LIN52: variants seen among roughly 807,000 people sequenced by gnomAD.
LIN52 encodes lin-52 DREAM MuvB core complex component.
A neutral mutation model predicts 18.5 loss-of-function variants in LIN52; 4 were observed. That is an observed-to-expected ratio of 0.22 (90% CI 0.11 to 0.49). LIN52 has a LOEUF of 0.49. Ranked by LOEUF, LIN52 falls within the 20% of genes least tolerant of loss-of-function variation. The pLI, the probability that LIN52 is intolerant of heterozygous loss-of-function variation, is 0.97. For missense variants in LIN52, 102 were observed against 139.5 expected (o/e 0.73, Z 1.35); for synonymous variants, 34 against 45.5 (o/e 0.75, Z 1.02).
intron 5 of LIN52, among the ~76,000 whole-genome samples, chr14:74,130,277 G>GTTTTTTTTTTTGTTTTTTTTTTTT (rs371965343): frequency 2.8e-4 from 13 of 46,408 alleles, no homozygotes; most frequent in Middle Eastern, 0.013. Flanking sequence ...GGCATTTTTT[G>GTTTTTTTTTTTGTTTTTTTTTTTT]GTTTTTTTTT....
intron 5 of LIN52, among the ~76,000 whole-genome samples, chr14:74,139,428 A>T (rs1239834396): frequency 6.6e-6 from 1 of 152,190 alleles, no homozygotes; most frequent in East Asian, 1.9e-4. Flanking sequence ...TTACAGGTGC[A>T]TGTATGGACT....
At chr14:74,167,979 G>A (rs1458396522) in intron 5 of LIN52, among the ~76,000 whole-genome samples, 1 of 147,746 alleles carries the variant, frequency 6.8e-6, no homozygotes, top group Non-Finnish European at 1.5e-5. Flanking sequence ...TTGTTTTGGG[G>A]TTTGTTTATT....
At chr14:74,177,781 GTTTA>G (rs1566867933) in intron 5 of LIN52, among the ~76,000 whole-genome samples, 1 of 151,988 alleles carries the variant, frequency 6.6e-6, no homozygotes, top group Non-Finnish European at 1.5e-5. Context: ...TTGTTTGTTG[GTTTA>G]TTTATTTATT....
chr14:74,101,696 G>C (rs2060857487), intron 5 of LIN52, among the ~76,000 whole-genome samples: 1 of 152,034 alleles, frequency 6.6e-6, no homozygotes, highest in African/African-American at 2.4e-5. Context: ...TCCTGACCTC[G>C]TGATCCGCCC....
intron 5 of LIN52, among the ~76,000 whole-genome samples, chr14:74,193,950 T>C (rs2078895790): frequency 6.6e-6 from 1 of 152,252 alleles, no homozygotes; most frequent in South Asian, 2.1e-4. Context: ...TAGAAATATT[T>C]AAAGTAGTTT....
intron 5 of LIN52, among the ~76,000 whole-genome samples, chr14:74,124,877 G>A (rs993321706): frequency 2.0e-5 from 3 of 146,842 alleles, no homozygotes; most frequent in African/African-American, 7.5e-5. Flanking sequence ...GTTTAGATAT[G>A]ATGCCAAAAG....
chr14:74,172,021 G>A (rs766228297), intron 5 of LIN52, among the ~76,000 whole-genome samples: 70 of 152,310 alleles, frequency 4.6e-4, no homozygotes, highest in Admixed American at 9.8e-4. Flanking sequence ...ACAGGCATGA[G>A]CCACTGCTCT....
chr14:74,095,347 C>G (rs569331751), intron 2 of LIN52, among the ~76,000 whole-genome samples: 22 of 151,910 alleles, frequency 1.4e-4, no homozygotes, highest in Admixed American at 1.1e-3. Context: ...ATTGCCCAGG[C>G]TGGTCTCCAA....
At chr14:74,165,980 C>A (rs2061248035) in intron 5 of LIN52, among the ~76,000 whole-genome samples, 1 of 151,838 alleles carries the variant, frequency 6.6e-6, no homozygotes, top group South Asian at 2.1e-4. Context: ...CAACTTCCAC[C>A]TCCCGGCTTC....
chr14:74,101,108 G>C, intron 4 of LIN52, 47 bp from the exon 5 acceptor site: 1 of 1,501,280 alleles, frequency 6.7e-7, no homozygotes, highest in Non-Finnish European at 9.2e-7. Flanking sequence ...GTTGCTACTA[G>C]AGAAGAGTGG....
chr14:74,087,070 C>G (rs1204998002), intron 1 of LIN52, among the ~76,000 whole-genome samples: 1 of 151,510 alleles, frequency 6.6e-6, no homozygotes, highest in African/African-American at 2.4e-5. Flanking sequence ...GATTTTTTTC[C>G]CCTGTCATCT....
At chr14:74,098,722 A>T (rs975609988) in intron 4 of LIN52, among the ~76,000 whole-genome samples, 1 of 151,782 alleles carries the variant, frequency 6.6e-6, no homozygotes, top group Non-Finnish European at 1.5e-5. Context: ...TAATTTTTGT[A>T]GTTTTAGTAG....
At chr14:74,114,703 T>G (rs1429128737) in intron 5 of LIN52, among the ~76,000 whole-genome samples, 1 of 152,116 alleles carries the variant, frequency 6.6e-6, no homozygotes, top group Non-Finnish European at 1.5e-5. Flanking sequence ...AGGCTAGAGG[T>G]TAGTGTTATT....
At chr14:74,092,405 A>C (rs1241525882) in intron 2 of LIN52, among the ~76,000 whole-genome samples, 1 of 150,784 alleles carries the variant, frequency 6.6e-6, no homozygotes, top group African/African-American at 2.4e-5. Flanking sequence ...TCCCAGGTTC[A>C]AGCGATTCTC....
chr14:74,198,116 G>C, intron 5 of LIN52, among the ~76,000 whole-genome samples: 1 of 152,230 alleles, frequency 6.6e-6, no homozygotes, highest in African/African-American at 2.4e-5. Context: ...GCAGGATGAG[G>C]ATGAGGATGA....
chr14:74,172,729 T>A (rs2061276923), intron 5 of LIN52, among the ~76,000 whole-genome samples: 1 of 152,216 alleles, frequency 6.6e-6, no homozygotes, highest in Non-Finnish European at 1.5e-5. Context: ...GCACTTTGCC[T>A]CATTAATAAA....
intron 5 of LIN52, among the ~76,000 whole-genome samples, chr14:74,143,661 C>T (rs942358090): frequency 6.6e-6 from 1 of 152,140 alleles, no homozygotes; most frequent in Non-Finnish European, 1.5e-5. Context: ...TTAATTGATA[C>T]ATTATAATTG....
chr14:74,112,654 A>G (rs1173656221), intron 5 of LIN52, among the ~76,000 whole-genome samples: 1 of 152,212 alleles, frequency 6.6e-6, no homozygotes, highest in East Asian at 1.9e-4. Context: ...CCTTCAAGAA[A>G]AATTTAATTG....
chr14:74,111,470 T>A lies in LIN52; in HGVS notation c.283+10232T>A, dbSNP rs3082882. 1.7e-4 allele frequency among the ~76,000 whole-genome samples: 24 copies of A among 138,758 alleles called. No homozygotes were observed. In the East Asian group the frequency reaches 2.2e-3, roughly 13 times the overall value. The allele number at this position is 138,758 out of a possible 152,430, so 91.0% of individuals were successfully genotyped here. ...TGCCTGACTGATTTTTTTTTTTTTT[T>A]AATTTTTATTTTGTAGAGATGGGGT... On this transcript the variant is annotated intron_variant, in intron 5 of 5. Coordinates refer to ENST00000555028, the MANE Select transcript of LIN52 (RefSeq NM_001024674.3).
Sources: gnomAD v4.1 joint callset for allele counts (sites outside exome capture counted in the v4.1 genomes callset) on GRCh38, gnomAD v4.1.1 for gene constraint, MANE v1.5 for transcripts, NCBI Gene and HGNC (gene_info 2026-07-23, HGNC 2026-07-21) for gene names.